SLA: variants seen among roughly 807,000 people sequenced by gnomAD.
The protein encoded by SLA is src-like-adapter.
Under a neutral mutation model 30.3 loss-of-function variants are expected in SLA, and 16 were observed. That is an observed-to-expected ratio of 0.53 (90% confidence interval 0.36 to 0.80). SLA has a LOEUF of 0.80. SLA is among the 30% of genes least tolerant of loss of function. The pLI is 0.01. For missense variants in SLA, 310 were observed against 345.2 expected (o/e 0.90, Z 0.81); for synonymous variants, 143 against 137.8 (o/e 1.04, Z -0.26).
intron 1 of SLA, among the ~76,000 whole-genome samples, chr8:133,093,488 C>T (rs529529711): frequency 5.9e-5 from 9 of 152,286 alleles, no homozygotes; most frequent in African/African-American, 1.9e-4. Flanking sequence ...CAGAAAATCA[C>T]GTGTATCTCC....
chr8:133,098,914 C>G (rs1848841630), intron 1 of SLA, among the ~76,000 whole-genome samples: 1 of 152,192 alleles, frequency 6.6e-6, no homozygotes, highest in African/African-American at 2.4e-5. Context: ...CCAGGAGTGT[C>G]TAGAAGTTTC....
intron 1 of SLA, among the ~76,000 whole-genome samples, chr8:133,079,935 C>G (rs961571629): frequency 7.3e-5 from 11 of 151,376 alleles, no homozygotes; most frequent in Non-Finnish European, 1.5e-4. Flanking sequence ...AAGTTTTGCC[C>G]CCTCTATGGC....
At chr8:133,066,030 G>A (rs113964084) in intron 2 of SLA, among the ~76,000 whole-genome samples, 45 of 152,166 alleles carry the variant, frequency 3.0e-4, no homozygotes, top group Middle Eastern at 3.4e-3. Flanking sequence ...GGAGTGAATC[G>A]CAAGGAATGT....
At chr8:133,045,869 T>C (rs757439696) in intron 6 of SLA, among the ~76,000 whole-genome samples, 2 of 151,074 alleles carry the variant, frequency 1.3e-5, no homozygotes, top group African/African-American at 2.4e-5. Flanking sequence ...TTTCAGCCCC[T>C]GTCCCACCAA....
chr8:133,046,681 T>C (rs1200669987), intron 6 of SLA: 2 of 152,234 alleles, frequency 1.3e-5, no homozygotes, highest in African/African-American at 4.8e-5. Context: ...TAGGAGTTTC[T>C]TTCTGAGTCG....
In SLA at chr8:133,047,921, C is replaced by T; in HGVS notation, c.261G>A (p.Glu87=). 3.1e-6 allele frequency: 5 copies of T among 1,606,930 alleles called. No homozygotes were observed. The highest frequency in any genetic ancestry group is 3.4e-6 in the Non-Finnish European group (4 of 1,174,882). The stretch of plus-strand genomic sequence containing the variant: ...CCTCGGCCTTGTCTCTGCCCAGGCC[C>T]TCAAACAGCCAGCTGGGAAGGAGGA... ...VARVYHGWLF[E]GLGRDKAEEL... The change falls in exon 6 of 9, where the codon GAG becomes GAA. Residue 87 remains glutamate (E), a synonymous_variant. Transcript: ENST00000338087.
intron 1 of SLA, among the ~76,000 whole-genome samples, chr8:133,089,209 C>T (rs1004570558): frequency 9.9e-5 from 15 of 152,174 alleles, no homozygotes; most frequent in African/African-American, 2.2e-4. Context: ...GTCAACTAGC[C>T]GAGCCACCAT....
chr8:133,096,092 G>A (rs977374653), intron 1 of SLA: 3 of 1,344,610 alleles, frequency 2.2e-6, no homozygotes, highest in South Asian at 2.4e-5. Context: ...CTTTTTCTCA[G>A]TAGAGTCATA....
At position 133,075,144 on chromosome 8, in the gene SLA, T is replaced by C; in HGVS notation, c.-318-14A>G. 1.0e-6 allele frequency: 1 copy of C among 985,018 alleles called. No individual in the cohort carries two copies. Among genetic ancestry groups the C allele is most frequent in the Non-Finnish European group, 1.2e-6 (1 of 829,548 alleles). 61.0% of individuals were successfully genotyped at this position (985,018 alleles called of 1,614,324 possible). A position where few individuals can be genotyped will look rare whatever the true frequency, so the allele number is the denominator to read the frequency against. On this transcript the variant is annotated splice_polypyrimidine_tract_variant and intron_variant, in intron 1 of 8. Coordinates refer to ENST00000338087, the MANE Select transcript of SLA (RefSeq NM_001045556.3). ...TCTCTGCAAGGACTGGGAAGATAGA[T>C]GGGTTATTAATTTTTTTACAAAGCA... is the stretch of plus-strand genomic sequence containing the variant.
chr8:133,047,241 G>A (rs1486287593), intron 6 of SLA: 1 of 152,378 alleles, frequency 6.6e-6, no homozygotes, highest in Non-Finnish European at 1.5e-5. Context: ...TGCATATGAT[G>A]CAAGGAAATT....
intron 1 of SLA, among the ~76,000 whole-genome samples, chr8:133,101,858 A>G (rs1849298692): frequency 7.8e-6 from 1 of 128,510 alleles, no homozygotes. Context: ...GAGTGACACA[A>G]TGGCCAGGAA....
chr8:133,073,343 C>G (rs952500699), intron 2 of SLA: 37 of 152,158 alleles, frequency 2.4e-4, no homozygotes, highest in African/African-American at 8.9e-4. Flanking sequence ...ATTAAGCACT[C>G]TTAAATAGAA....
chr8:133,097,406 A>G (rs1300357020), intron 1 of SLA, among the ~76,000 whole-genome samples: 1 of 152,236 alleles, frequency 6.6e-6, no homozygotes, highest in African/African-American at 2.4e-5. Context: ...AAAAAATTGG[A>G]AGCAACTCAA....
chr8:133,094,932 C>T, intron 1 of SLA: 1 of 1,478,932 alleles, frequency 6.8e-7, no homozygotes, highest in Non-Finnish European at 9.4e-7. Flanking sequence ...GGTCCTGGGA[C>T]TCCCAAGCTT....
At position 133,102,094 on chromosome 8, in the gene SLA, T is replaced by G. The variant is rs139467818; in HGVS notation, c.-319+459A>C. Reference sequence around the variant, plus strand: ...GTTTGGCTTCAATAAATGTTCGTTCTTTTCCCTTAATTTTTTAATTTTAAT... The same window carrying G: ...GTTTGGCTTCAATAAATGTTCGTTCGTTTCCCTTAATTTTTTAATTTTAAT... On this transcript the variant is annotated intron_variant, in intron 1 of 8. Transcript: ENST00000338087. Among the ~76,000 whole-genome samples, 683 of 152,338 alleles carry G rather than the reference T, an allele frequency of 4.5e-3. 4 individuals carry two copies. The highest frequency in any genetic ancestry group is 0.016 in the African/African-American group (647 of 41,558).
chr8:133,078,699 T>C (rs905376722), intron 1 of SLA, among the ~76,000 whole-genome samples: 1 of 152,222 alleles, frequency 6.6e-6, no homozygotes, highest in Non-Finnish European at 1.5e-5. Context: ...CTAAACACTC[T>C]TTTTTCTCTG....
chr8:133,058,144 T>A (rs1365266226), intron 3 of SLA, among the ~76,000 whole-genome samples: 1 of 152,210 alleles, frequency 6.6e-6, no homozygotes, highest in African/African-American at 2.4e-5. Context: ...GGGGACTACT[T>A]AACACGGCAT....
At chr8:133,097,122 G>A (rs1332356708) in intron 1 of SLA, among the ~76,000 whole-genome samples, 1 of 152,222 alleles carries the variant, frequency 6.6e-6, no homozygotes, top group African/African-American at 2.4e-5. Flanking sequence ...CTCTGGGCGT[G>A]GGTGGAGTGC....
chr8:133,070,640 G>T (rs1415131042), intron 2 of SLA, among the ~76,000 whole-genome samples: 1 of 152,220 alleles, frequency 6.6e-6, no homozygotes, highest in Non-Finnish European at 1.5e-5. Context: ...GGTCTAGCCT[G>T]TAAATCCTTT....
Sources: gnomAD v4.1 joint callset for allele counts (sites outside exome capture counted in the v4.1 genomes callset) on GRCh38, gnomAD v4.1.1 for gene constraint, MANE v1.5 for transcripts, NCBI Gene and HGNC (gene_info 2026-07-23, HGNC 2026-07-21) for gene names.